DNAH5: variants seen among roughly 807,000 people sequenced by gnomAD.
DNAH5 encodes the protein axonemal beta dynein heavy chain 5.
Under a neutral mutation model 518.2 loss-of-function variants are expected in DNAH5, and 372 were observed. The ratio of observed to expected loss-of-function variants is 0.72; its 90% CI spans 0.66 to 0.78. DNAH5 has a LOEUF of 0.78. Ranked by LOEUF, DNAH5 falls within the 30% of genes least tolerant of loss-of-function variation. The pLI, the probability that DNAH5 is intolerant of heterozygous loss-of-function variation, is 0.00. For synonymous variants in DNAH5, 2,039 were observed against 2,025.9 expected, an observed-to-expected ratio of 1.01 and a Z score of -0.17; for missense variants, 5,523 against 5,687.0, an observed-to-expected ratio of 0.97 and a Z score of 0.93.
At chr5:13,856,385 C>A (rs1767641719) in intron 30 of DNAH5, among the ~76,000 whole-genome samples, 1 of 152,082 alleles carries the variant, frequency 6.6e-6, no homozygotes, top group South Asian at 2.1e-4. Flanking sequence ...TACAAATAAA[C>A]TAGAAAATCT....
In DNAH5 at chr5:13,716,685, G is replaced by A. The variant is rs1744320829; in HGVS notation, c.12711C>T (p.Val4237=). 1 of 1,609,704 alleles carries A rather than the reference G, an allele frequency of 6.2e-7. No individual in the cohort carries two copies. Among genetic ancestry groups the A allele is most frequent in the Admixed American group, 1.7e-5 (1 of 60,000 alleles). Residue 4237 remains valine (V), a synonymous_variant, in exon 74 of 79, where the codon GTC becomes GTT. Coordinates refer to ENST00000265104, the MANE Select transcript of DNAH5 (RefSeq NM_001369.3). ...HLDDMDVKKG[V]SWTTIRYMIG... ...TCATGTAGCGGATGGTGGTCCAGGA[G>A]ACACCCTGGGAAATTTTATAGAATA...
At position 13,793,601 on chromosome 5, in the gene DNAH5, C is replaced by T. The variant is rs150536659; in HGVS notation, c.8138G>A (p.Arg2713His). ...LAAMIHPGGG[R>H]NDIPQRLKRQ... is the part of the protein sequence containing the mutation. ...CTTGAGTCTTTGGGGTATGTCATTG[C>T]GTCCACCACCAGGATGGATCATGGC... The change falls in exon 49 of 79, where the codon CGC becomes CAC. Residue 2713 changes from arginine (R) to histidine (H), a missense_variant. Arg to His is a conservative substitution (Grantham distance 29, BLOSUM62 0). Transcript: ENST00000265104. The T allele has an allele frequency of 3.7e-6, 6 of 1,614,082 alleles. No homozygotes were observed. The highest frequency in any genetic ancestry group is 5.1e-6 in the Non-Finnish European group (6 of 1,179,994).
intron 30 of DNAH5, among the ~76,000 whole-genome samples, chr5:13,852,271 G>A (rs951967043): frequency 1.3e-5 from 2 of 152,108 alleles, no homozygotes; most frequent in Non-Finnish European, 2.9e-5. Context: ...AGGTTCAAGC[G>A]ATTCTCCTGC....
intron 22 of DNAH5, among the ~76,000 whole-genome samples, chr5:13,874,759 C>G (rs1023026805): frequency 6.6e-5 from 10 of 152,158 alleles, no homozygotes; most frequent in Non-Finnish European, 1.5e-5. Context: ...CTCAAGTGAT[C>G]CCCCACCTTG....
chr5:13,723,053 T>A (rs1745266702), intron 70 of DNAH5, among the ~76,000 whole-genome samples: 1 of 152,202 alleles, frequency 6.6e-6, no homozygotes, highest in Non-Finnish European at 1.5e-5. Context: ...ATTAGTTCAG[T>A]GCCTGGGAAG....
At chr5:13,753,600 T>C (rs771704199) in intron 62 of DNAH5, 51 bp from the exon 63 acceptor site, 4 of 1,446,368 alleles carry the variant, frequency 2.8e-6, no homozygotes, top group East Asian at 2.3e-5. Flanking sequence ...ATCCGTGTGA[T>C]TGTACAGCAT....
intron 73 of DNAH5, 113 bp downstream of exon 73, chr5:13,717,202 T>C: frequency 1.0e-6 from 1 of 1,003,186 alleles, no homozygotes; most frequent in Admixed American, 2.0e-5. Context: ...AAGATGACTT[T>C]GCAAGCACAG....
intron 35 of DNAH5, among the ~76,000 whole-genome samples, chr5:13,832,904 T>G (rs1763859540): frequency 6.6e-6 from 1 of 152,182 alleles, no homozygotes; most frequent in South Asian, 2.1e-4. Context: ...TCACCAGCAT[T>G]CATCGTAACT....
At chr5:13,938,486 T>C (rs1027400617) in intron 1 of DNAH5, among the ~76,000 whole-genome samples, 2 of 151,844 alleles carry the variant, frequency 1.3e-5, no homozygotes, top group African/African-American at 2.4e-5. Flanking sequence ...GTTAATCTTT[T>C]ACTGCACCTA....
intron 78 of DNAH5, among the ~76,000 whole-genome samples, chr5:13,693,995 A>T (rs188668579): frequency 1.5e-4 from 23 of 152,334 alleles, no homozygotes; most frequent in Non-Finnish European, 1.9e-4. Flanking sequence ...AACTATACTC[A>T]CTGATATAGT....
intron 70 of DNAH5, among the ~76,000 whole-genome samples, chr5:13,725,757 C>A (rs115041018): frequency 6.6e-6 from 1 of 152,112 alleles, no homozygotes; most frequent in South Asian, 2.1e-4. Context: ...CAAGTTCAAG[C>A]GATTCTCCTG....
chr5:13,904,104 TA>T (rs2151966678), intron 12 of DNAH5, among the ~76,000 whole-genome samples: 1 of 151,064 alleles, frequency 6.6e-6, no homozygotes. Context: ...CTAAAACCAC[TA>T]AAAATATAAA....
chr5:13,885,366 A>C (rs1420529629), intron 18 of DNAH5, 138 bp from the exon 19 acceptor site: 3 of 1,085,000 alleles, frequency 2.8e-6, no homozygotes, highest in Non-Finnish European at 4.0e-6. Context: ...TATCACTTAA[A>C]CATCACACTT....
chr5:13,927,451 G>A (rs1778004048), intron 3 of DNAH5, among the ~76,000 whole-genome samples: 1 of 152,104 alleles, frequency 6.6e-6, no homozygotes, highest in Non-Finnish European at 1.5e-5. Flanking sequence ...AGAGGTTGCG[G>A]GGAGCCAAGA....
chr5:13,799,540 G>A (rs935566204), intron 47 of DNAH5, among the ~76,000 whole-genome samples: 4 of 152,128 alleles, frequency 2.6e-5, no homozygotes, highest in African/African-American at 9.7e-5. Context: ...ATTGACAAAA[G>A]CACAACAAAA....
chr5:13,899,948 C>G (rs868293931), intron 15 of DNAH5: 33 of 491,594 alleles, frequency 6.7e-5, no homozygotes, highest in Middle Eastern at 1.1e-3. Flanking sequence ...AGAGATCGTG[C>G]CTTTTTCAGT....
At chr5:13,866,093 T>C (rs1262993914) in intron 26 of DNAH5, 127 bp downstream of exon 26, 2 of 953,978 alleles carry the variant, frequency 2.1e-6, no homozygotes, top group Admixed American at 4.7e-5. Context: ...CAATATCGTA[T>C]TTTTAATGCA....
chr5:14,002,263 A>T (rs1784407100), intron 1 of DNAH5, among the ~76,000 whole-genome samples: 1 of 152,166 alleles, frequency 6.6e-6, no homozygotes, highest in Non-Finnish European at 1.5e-5. Flanking sequence ...AACAATTCAG[A>T]TGCATAGTTC....
In DNAH5 at chr5:14,008,291, T is replaced by TGAGGGAGAGAGGGAAGGAGGAGGGGATG. The variant is rs1784872242; in HGVS notation, c.12+3356_12+3357insCATCCCCTCCTCCTTCCCTCTCTCCCTC. The stretch of plus-strand genomic sequence containing the variant: ...TGAGGGAGAGGGAAAGAGGAAGAAA[T>TGAGGGAGAGAGGGAAGGAGGAGGGGATG]GAGGGAGAGAGGGAAGAAGACAGGA... On this transcript the variant is annotated intron_variant, in intron 1 of 78. Transcript: ENST00000681290. Among the ~76,000 whole-genome samples the TGAGGGAGAGAGGGAAGGAGGAGGGGATG allele has an allele frequency of 3.4e-5, 5 of 146,106 alleles. No homozygotes were observed. In the South Asian group the frequency reaches 8.8e-4, roughly 26 times the overall value.
Sources: allele counts gnomAD v4.1 joint callset (sites outside exome capture counted in the v4.1 genomes callset), GRCh38; gene constraint gnomAD v4.1.1; transcripts MANE v1.5; gene names NCBI Gene and HGNC (gene_info 2026-07-23, HGNC 2026-07-21).